The following PARD3B variants were observed in gnomAD, a reference collection of about 807,000 sequenced individuals.
The protein encoded by PARD3B is partitioning defective 3 homolog B.
A neutral mutation model predicts 130.2 loss-of-function variants in PARD3B; 103 were observed. The observed-to-expected ratio is 0.79, with a 90% CI of 0.67 to 0.93. PARD3B has a LOEUF of 0.93. Among genes scored for constraint, PARD3B ranks in the 40% least tolerant of loss-of-function variants. The pLI is 0.00. For missense variants in PARD3B, 1,609 were observed against 1,499.2 expected (o/e 1.07, Z -1.21); for synonymous variants, 583 against 553.2 (o/e 1.05, Z -0.76).
chr2:204,713,331 G>A (rs868018285), intron 2 of PARD3B, among the ~76,000 whole-genome samples: 6 of 148,708 alleles, frequency 4.0e-5, no homozygotes, highest in Middle Eastern at 3.4e-3. Flanking sequence ...CCGCAAAACC[G>A]TATACTGAAA....
At chr2:204,964,902 A>G (rs1365151769) in intron 2 of PARD3B, among the ~76,000 whole-genome samples, 1 of 152,172 alleles carries the variant, frequency 6.6e-6, no homozygotes, top group Non-Finnish European at 1.5e-5. Flanking sequence ...GAGTGGGCCA[A>G]AATTGGTTCT....
chr2:205,031,035 A>G (rs767100877), intron 3 of PARD3B, among the ~76,000 whole-genome samples: 1 of 152,180 alleles, frequency 6.6e-6, no homozygotes, highest in Non-Finnish European at 1.5e-5. Flanking sequence ...GTCTGTGGAC[A>G]TGAGCATCAC....
intron 18 of PARD3B, among the ~76,000 whole-genome samples, chr2:205,323,157 C>A (rs2042813818): frequency 1.3e-5 from 2 of 151,774 alleles, no homozygotes; most frequent in African/African-American, 4.8e-5. Context: ...GATCTGCCCG[C>A]CTCAGCCTCC....
Position 204,770,562 on chromosome 2 carries a change from T to A in PARD3B, c.222+84280T>A, listed in dbSNP as rs192425939. Reference sequence around the variant, plus strand: ...AGTTTCTTGTATTTTCAAAATAATGTGGCAACGTTCTTTGAGAGAGTATAC... The same window carrying A: ...AGTTTCTTGTATTTTCAAAATAATGAGGCAACGTTCTTTGAGAGAGTATAC... On this transcript the variant is annotated intron_variant, in intron 2 of 22. Coordinates refer to ENST00000406610, the MANE Select transcript of PARD3B (RefSeq NM_001302769.2). Among the ~76,000 whole-genome samples the A allele has an allele frequency of 1.8e-4, 27 of 152,232 alleles. No homozygotes were observed. In the East Asian group the frequency reaches 3.1e-3, roughly 17 times the overall value.
chr2:205,211,059 G>A (rs2037606128), intron 15 of PARD3B, among the ~76,000 whole-genome samples: 3 of 152,180 alleles, frequency 2.0e-5, no homozygotes, highest in Admixed American at 2.0e-4. Context: ...CTAAACATGA[G>A]GCAGAGGCAG....
At chr2:204,849,672 AC>A (rs1373889396) in intron 2 of PARD3B, among the ~76,000 whole-genome samples, 3 of 152,236 alleles carry the variant, frequency 2.0e-5, no homozygotes, top group African/African-American at 7.2e-5. Flanking sequence ...GTGACACGTT[AC>A]TTAGCATTTA....
intron 2 of PARD3B, among the ~76,000 whole-genome samples, chr2:204,826,638 G>A (rs532507297): frequency 1.3e-5 from 2 of 152,202 alleles, no homozygotes; most frequent in East Asian, 3.9e-4. Flanking sequence ...GAAATAGGTT[G>A]AATTTTTAAA....
chr2:204,753,352 A>G (rs1372790731), intron 2 of PARD3B, among the ~76,000 whole-genome samples: 2 of 152,190 alleles, frequency 1.3e-5, no homozygotes, highest in African/African-American at 4.8e-5. Flanking sequence ...AAAGATTTCT[A>G]TTAATATATG....
At chr2:205,012,988 A>G (rs1695846017) in intron 3 of PARD3B, among the ~76,000 whole-genome samples, 1 of 152,210 alleles carries the variant, frequency 6.6e-6, no homozygotes, top group Non-Finnish European at 1.5e-5. Context: ...GAAGAATAAG[A>G]TATGTTTAAA....
intron 15 of PARD3B, among the ~76,000 whole-genome samples, chr2:205,206,056 G>C (rs547682316): frequency 6.6e-6 from 1 of 152,170 alleles, no homozygotes; most frequent in South Asian, 2.1e-4. Context: ...GTAGAGTTCG[G>C]CTGTGACTTT....
rs1383402604 is a variant in PARD3B at position 204,606,644 on chromosome 2, G to A, written c.120+60525G>A. 6.6e-6 allele frequency among the ~76,000 whole-genome samples: 1 copy of A among 152,098 alleles called. No homozygotes were observed. Among genetic ancestry groups the A allele is most frequent in the Non-Finnish European group, 1.5e-5 (1 of 68,026 alleles). On this transcript the variant is annotated intron_variant, in intron 1 of 22. Coordinates refer to ENST00000406610, the MANE Select transcript of PARD3B (RefSeq NM_001302769.2). This position sits in a 1 kb window ranked among gnomAD's most constrained non-coding sequence, Gnocchi z 4.0. ...AATAGGAGAATCAACCATTTATGAA[G>A]AAGCTCCAGTGGCTACCACAGATGA...
chr2:204,761,046 T>A (rs2040876922), intron 2 of PARD3B, among the ~76,000 whole-genome samples: 1 of 152,198 alleles, frequency 6.6e-6, no homozygotes, highest in South Asian at 2.1e-4. Context: ...TTTAAAGGGT[T>A]ATTATTGCAT....
intron 18 of PARD3B, among the ~76,000 whole-genome samples, chr2:205,382,801 G>C (rs2045499886): frequency 6.6e-6 from 1 of 151,844 alleles, no homozygotes; most frequent in Non-Finnish European, 1.5e-5. Flanking sequence ...CATTTATTTT[G>C]TTGCTCAGAT....
intron 2 of PARD3B, among the ~76,000 whole-genome samples, chr2:204,786,499 A>G (rs2042014545): frequency 6.6e-6 from 1 of 151,790 alleles, no homozygotes; most frequent in African/African-American, 2.4e-5. Context: ...GAGTCCACAC[A>G]GTGGCCTGAA....
rs908995486 is a variant in PARD3B, at chr2:205,458,086, G to T, written c.3044+17414G>T. On this transcript the variant is annotated intron_variant, in intron 20 of 22. Coordinates refer to ENST00000406610, the MANE Select transcript of PARD3B (RefSeq NM_001302769.2). The surrounding 1 kb of genome is among the most constrained non-coding windows in gnomAD (Gnocchi z 4.8). ...CTTAAATTTTTTCCTTTTTGTCTTG[G>T]TTTTCAGCAGTTTTACTGTGATGTG... Among the ~76,000 whole-genome samples the T allele has an allele frequency of 6.6e-6, 1 of 151,996 alleles. No individual in the cohort carries two copies. Among genetic ancestry groups the T allele is most frequent in the Admixed American group, 6.6e-5 (1 of 15,234 alleles).
chr2:205,404,684 T>TA (rs995917896), intron 19 of PARD3B, among the ~76,000 whole-genome samples: 43 of 149,474 alleles, frequency 2.9e-4, no homozygotes, highest in African/African-American at 3.9e-4. Flanking sequence ...TTCTTTCCTT[T>TA]AAAAAAAAAA....
rs558057804 is a variant in PARD3B at position 205,269,165 on chromosome 2, A to T, written c.2185+23343A>T. ...TCAGAATTTTTGCATTTGACTTCAGATAAACAGACTGGATAAATTCCTACC... is the reference window on the plus strand; with the variant it reads ...TCAGAATTTTTGCATTTGACTTCAGTTAAACAGACTGGATAAATTCCTACC... On this transcript the variant is annotated intron_variant, in intron 16 of 22. Transcript: ENST00000406610. The surrounding 1 kb of genome is among the most constrained non-coding windows in gnomAD (Gnocchi z 4.7). 9.1e-4 allele frequency among the ~76,000 whole-genome samples: 139 copies of T among 152,276 alleles called. 1 individual carries two copies. Among genetic ancestry groups the T allele is most frequent in the Non-Finnish European group, 1.8e-3 (120 of 68,006 alleles).
At chr2:204,700,309 ATAAT>A (rs1433943471) in intron 2 of PARD3B, among the ~76,000 whole-genome samples, 4 of 152,154 alleles carry the variant, frequency 2.6e-5, no homozygotes, top group African/African-American at 9.6e-5. Flanking sequence ...AGTTAACATA[ATAAT>A]TTGGGACTTA....
chr2:205,253,582 C>A lies in PARD3B; in HGVS notation c.2185+7760C>A, dbSNP rs2039949114. The stretch of plus-strand genomic sequence containing the variant: ...CCCTGCCTCCTCTGCCTCTTCAGAG[C>A]CCAGCAGAAAGACAGAGAAAGAAGC... On this transcript the variant is annotated intron_variant, in intron 16 of 22. Coordinates refer to ENST00000406610, the MANE Select transcript of PARD3B (RefSeq NM_001302769.2). This position sits in a 1 kb window ranked among gnomAD's most constrained non-coding sequence, Gnocchi z 4.4. 1.4e-5 allele frequency: 6 copies of A among 430,568 alleles called. No homozygotes were observed. The highest frequency in any genetic ancestry group is 2.9e-5 in the Admixed American group (1 of 34,546). 26.7% of individuals were successfully genotyped at this position (430,568 alleles called of 1,614,324 possible).
Sources: gnomAD v4.1 joint callset for allele counts (sites outside exome capture counted in the v4.1 genomes callset) on GRCh38, gnomAD v4.1.1 for gene constraint, Gnocchi (gnomAD v3.1) non-coding constraint, MANE v1.5 for transcripts, NCBI Gene and HGNC (gene_info 2026-07-23, HGNC 2026-07-21) for gene names.